The following ZBTB20 variants were observed in gnomAD, a reference collection of about 807,000 sequenced individuals.
ZBTB20 encodes the protein zinc finger and BTB domain-containing protein 20.
In ZBTB20, 9 loss-of-function variants were observed where a neutral mutation model predicts 56.9. The ratio of observed to expected loss-of-function variants is 0.16; its 90% CI spans 0.10 to 0.28. The LOEUF is 0.28. ZBTB20 is among the 10% of genes least tolerant of loss of function. The pLI is 1.00. For missense variants in ZBTB20, 655 were observed against 1,003.0 expected (o/e 0.65, Z 4.69); for synonymous variants, 417 against 420.7 (o/e 0.99, Z 0.11).
intron 5 of ZBTB20, among the ~76,000 whole-genome samples, chr3:114,777,492 A>G (rs1368831664): frequency 6.6e-6 from 1 of 152,174 alleles, no homozygotes; most frequent in Non-Finnish European, 1.5e-5. Context: ...ACACATGAAA[A>G]AATGCTCATC....
At chr3:114,554,218 A>G (rs1342947909) in intron 6 of ZBTB20, among the ~76,000 whole-genome samples, 1 of 152,210 alleles carries the variant, frequency 6.6e-6, no homozygotes, top group Non-Finnish European at 1.5e-5. Context: ...ACCAAGGACC[A>G]CTTCAGTGAA....
chr3:114,823,632 T>C (rs1009985882), intron 4 of ZBTB20, among the ~76,000 whole-genome samples: 3 of 152,072 alleles, frequency 2.0e-5, no homozygotes, highest in Non-Finnish European at 2.9e-5. Flanking sequence ...ATGAAATCTG[T>C]AAAATAAAGG....
In ZBTB20 at chr3:114,350,984, C is replaced by A. The variant is rs933119304; in HGVS notation, c.1094G>T (p.Gly365Val). 5.0e-6 allele frequency: 8 copies of A among 1,608,888 alleles called. No homozygotes were observed. In the African/African-American group the frequency reaches 8.0e-5, roughly 16 times the overall value. Residue 365 changes from glycine to valine, a missense_variant, in exon 11 of 12, where the codon GGC becomes GTC. Gly to Val is a moderately radical substitution (Grantham distance 109). Coordinates refer to ENST00000675478, the MANE Select transcript of ZBTB20 (RefSeq NM_001348800.3). ...TTCACCTTTGGGCTCACTCTCGGTG[C>A]CCTCGGCCTGGTCTGTGTCTTCCGT... ...ECTEDTDQAE[G>V]TESEPKGESF...
At chr3:115,113,158 G>A (rs1207894655) in intron 1 of ZBTB20, among the ~76,000 whole-genome samples, 2 of 152,122 alleles carry the variant, frequency 1.3e-5, no homozygotes, top group Non-Finnish European at 2.9e-5. Context: ...TTTTACTGTT[G>A]AGTTGTTTGA....
intron 1 of ZBTB20, among the ~76,000 whole-genome samples, chr3:115,137,025 A>G (rs910980634): frequency 2.6e-5 from 4 of 152,124 alleles, no homozygotes; most frequent in African/African-American, 9.7e-5. Context: ...GGTGCCATGC[A>G]CTAACTGAAT....
At chr3:114,760,170 G>T (rs1046060412) in intron 5 of ZBTB20, among the ~76,000 whole-genome samples, 4 of 152,034 alleles carry the variant, frequency 2.6e-5, no homozygotes, top group Admixed American at 6.6e-5. Context: ...TCTTATATAA[G>T]AATATATGCC....
At chr3:115,124,521 C>T (rs550078106) in intron 1 of ZBTB20, among the ~76,000 whole-genome samples, 9 of 152,120 alleles carry the variant, frequency 5.9e-5, no homozygotes, top group Admixed American at 1.3e-4. Context: ...GAGGAGTGTC[C>T]GACCTTTAAG....
At chr3:114,462,233 G>GA (rs2092364248) in intron 7 of ZBTB20, among the ~76,000 whole-genome samples, 1 of 152,058 alleles carries the variant, frequency 6.6e-6, no homozygotes, top group South Asian at 2.1e-4. Context: ...TAGTAATACT[G>GA]AAAAAAAGTT....
At chr3:114,834,809 A>G (rs2074039385) in intron 4 of ZBTB20, among the ~76,000 whole-genome samples, 2 of 152,098 alleles carry the variant, frequency 1.3e-5, no homozygotes, top group African/African-American at 4.8e-5. Flanking sequence ...TTAGATATGG[A>G]GTCGTTATCA....
chr3:115,041,301 T>G (rs1301047872), intron 2 of ZBTB20, among the ~76,000 whole-genome samples: 1 of 152,196 alleles, frequency 6.6e-6, no homozygotes, highest in African/African-American at 2.4e-5. Context: ...ATTCACATTT[T>G]ACAAGGAACG....
intron 3 of ZBTB20, among the ~76,000 whole-genome samples, chr3:114,954,967 G>A (rs751063307): frequency 6.6e-6 from 1 of 152,194 alleles, no homozygotes; most frequent in Non-Finnish European, 1.5e-5. Flanking sequence ...CCACAGAGTG[G>A]TGAATAGTAA....
At chr3:114,775,162 C>A (rs1272184134) in intron 5 of ZBTB20, among the ~76,000 whole-genome samples, 2 of 150,760 alleles carry the variant, frequency 1.3e-5, no homozygotes, top group Non-Finnish European at 3.0e-5. Context: ...TTTTTTTTTC[C>A]TCAGTAAAAT....
At chr3:114,641,098 G>C (rs923653149) in intron 6 of ZBTB20, among the ~76,000 whole-genome samples, 3 of 151,932 alleles carry the variant, frequency 2.0e-5, no homozygotes, top group Non-Finnish European at 4.4e-5. Flanking sequence ...AGAAGGGAAA[G>C]AACTACATAT....
In ZBTB20 at chr3:114,468,237, T is replaced by C. The variant is rs971132624; in HGVS notation, c.-255+32115A>G. Among the ~76,000 whole-genome samples the C allele has an allele frequency of 5.3e-5, 8 of 152,178 alleles. No individual in the cohort carries two copies. The East Asian group carries it at 9.6e-4, about 18-fold the overall frequency. ...TTTAAAACAACTACAGAAATCTTATTCTTCATTGTATTCTCTAAAGAATAA... is the reference window on the plus strand; with the variant it reads ...TTTAAAACAACTACAGAAATCTTATCCTTCATTGTATTCTCTAAAGAATAA... On this transcript the variant is annotated intron_variant, in intron 7 of 11. Transcript: ENST00000675478.
At chr3:114,996,242 T>C (rs983861429) in intron 2 of ZBTB20, among the ~76,000 whole-genome samples, 5 of 151,836 alleles carry the variant, frequency 3.3e-5, no homozygotes, top group Admixed American at 3.3e-4. Context: ...AGCTCCGGGG[T>C]ACATGTGTAG....
intron 6 of ZBTB20, among the ~76,000 whole-genome samples, chr3:114,532,523 G>C (rs1357290324): frequency 6.6e-6 from 1 of 152,208 alleles, no homozygotes; most frequent in African/African-American, 2.4e-5. Context: ...ATCTCCCTGG[G>C]ACAGAGCACC....
At chr3:114,544,032 G>C (rs2049428600) in intron 6 of ZBTB20, among the ~76,000 whole-genome samples, 1 of 152,134 alleles carries the variant, frequency 6.6e-6, no homozygotes, top group Admixed American at 6.5e-5. Flanking sequence ...ACTATTCTCT[G>C]GCACTGTGGT....
At chr3:114,414,419 C>A (rs78104110) in intron 7 of ZBTB20, among the ~76,000 whole-genome samples, 1 of 151,964 alleles carries the variant, frequency 6.6e-6, no homozygotes, top group Admixed American at 6.6e-5. Flanking sequence ...GAGAAGAATC[C>A]GGAGTTTACT....
rs112191633 is a variant in ZBTB20 at position 114,587,640 on chromosome 3, A to G, written c.-294-87249T>C. 1.8e-3 allele frequency among the ~76,000 whole-genome samples: 274 copies of G among 152,344 alleles called. 3 individuals are homozygous for G. Among genetic ancestry groups the G allele is most frequent in the African/African-American group, 6.3e-3 (260 of 41,592 alleles). On this transcript the variant is annotated intron_variant, in intron 6 of 11. Transcript: ENST00000675478. ...GTGAGAACTAAAATGTAGGGAGTTA[A>G]GTACTTCACACCATAAATATGTAAG... is the stretch of plus-strand genomic sequence containing the variant.
Sources: gnomAD v4.1 joint callset for allele counts (sites outside exome capture counted in the v4.1 genomes callset) on GRCh38, gnomAD v4.1.1 for gene constraint, MANE v1.5 for transcripts, NCBI Gene and HGNC (gene_info 2026-07-23, HGNC 2026-07-21) for gene names.